The following CERS3 variants were observed in gnomAD, a reference collection of about 807,000 sequenced individuals.
CERS3 encodes LAG1 homolog, ceramide synthase 3.
A neutral mutation model predicts 50.3 loss-of-function variants in CERS3; 33 were observed. The observed-to-expected ratio is 0.66, with a 90% CI of 0.50 to 0.88. The LOEUF is 0.88. Among genes scored for constraint, CERS3 ranks in the 40% least tolerant of loss-of-function variants. CERS3 has a pLI of 0.00. For missense variants in CERS3, 470 were observed against 460.3 expected (o/e 1.02, Z -0.19); for synonymous variants, 176 against 155.2 (o/e 1.13, Z -0.99).
intron 1 of CERS3, among the ~76,000 whole-genome samples, chr15:100,539,545 T>C (rs1162523982): frequency 6.6e-6 from 1 of 152,162 alleles, no homozygotes; most frequent in Non-Finnish European, 1.5e-5. Context: ...AGAAAAGTGC[T>C]GAGTGAAGTG....
intron 11 of CERS3, among the ~76,000 whole-genome samples, chr15:100,448,550 A>G (rs1174440390): frequency 6.6e-6 from 1 of 152,174 alleles, no homozygotes; most frequent in Non-Finnish European, 1.5e-5. Flanking sequence ...CCATAGAAGG[A>G]GCTCATACGA....
chr15:100,412,322 T>A (rs182634522), intron 11 of CERS3, among the ~76,000 whole-genome samples: 4 of 152,272 alleles, frequency 2.6e-5, no homozygotes, highest in Non-Finnish European at 5.9e-5. Context: ...TCGAAAAGAC[T>A]CCCCATTGAA....
At chr15:100,515,071 C>T (rs2036452637) in intron 2 of CERS3, among the ~76,000 whole-genome samples, 1 of 152,186 alleles carries the variant, frequency 6.6e-6, no homozygotes, top group Non-Finnish European at 1.5e-5. Context: ...ACACACCTAG[C>T]TTCCCCTGTC....
intron 11 of CERS3, among the ~76,000 whole-genome samples, chr15:100,428,114 A>C (rs2032930781): frequency 6.6e-6 from 1 of 152,200 alleles, no homozygotes; most frequent in African/African-American, 2.4e-5. Context: ...CAACTGACAA[A>C]TTTGCTACAA....
At chr15:100,532,233 C>G (rs1213934360), upstream of CERS3, among the ~76,000 whole-genome samples, 2 of 152,100 alleles carry the variant, frequency 1.3e-5, no homozygotes, top group African/African-American at 4.8e-5. Context: ...TGCTTTCAGC[C>G]GATCCTTAAC....
chr15:100,513,805 G>A (rs1030763774), intron 2 of CERS3, among the ~76,000 whole-genome samples: 3 of 152,094 alleles, frequency 2.0e-5, no homozygotes, highest in Non-Finnish European at 2.9e-5. Flanking sequence ...CCAAAGTGCT[G>A]GAATTACTGT....
chr15:100,539,508 G>A (rs1048490743), intron 1 of CERS3, among the ~76,000 whole-genome samples: 11 of 152,300 alleles, frequency 7.2e-5, no homozygotes, highest in African/African-American at 2.2e-4. Flanking sequence ...GAGGAAGCAA[G>A]GCACTTTCTT....
chr15:100,446,364 G>T (rs1416196604), intron 11 of CERS3, among the ~76,000 whole-genome samples: 4 of 128,538 alleles, frequency 3.1e-5, no homozygotes, highest in African/African-American at 8.8e-5. Flanking sequence ...AACTTCTCAG[G>T]TTTTTTTTTT....
At chr15:100,471,852 T>C (rs546973128) in intron 9 of CERS3, among the ~76,000 whole-genome samples, 4 of 152,338 alleles carry the variant, frequency 2.6e-5, no homozygotes, top group Middle Eastern at 3.4e-3. Flanking sequence ...AAGTGACTTC[T>C]GGTGGCTTCT....
At chr15:100,405,209 TAAAG>T (rs2030899294) in intron 11 of CERS3, among the ~76,000 whole-genome samples, 3 of 109,248 alleles carry the variant, frequency 2.7e-5, no homozygotes, top group Non-Finnish European at 5.4e-5. Context: ...GTATGCATAA[TAAAG>T]AACTCTCAAA....
chr15:100,436,731 C>T lies in CERS3; in HGVS notation c.999+19162G>A, dbSNP rs77329128. ...TTTGCATAATCATAGTGATAGGACA[C>T]CAGCTATAGGGGATTCTAAAAGTAC... On this transcript the variant is annotated intron_variant, in intron 11 of 11. Coordinates refer to ENST00000679737, the MANE Select transcript of CERS3 (RefSeq NM_001378789.1). 7.4e-4 allele frequency among the ~76,000 whole-genome samples: 112 copies of T among 152,100 alleles called. 1 individual carries two copies. Among genetic ancestry groups the T allele is most frequent in the African/African-American group, 2.5e-3 (102 of 41,486 alleles).
At chr15:100,488,592 T>C (rs1007085006) in intron 4 of CERS3, among the ~76,000 whole-genome samples, 1 of 152,200 alleles carries the variant, frequency 6.6e-6, no homozygotes, top group Non-Finnish European at 1.5e-5. Flanking sequence ...CTGTATTACA[T>C]TCTATCTTCC....
chr15:100,492,317 T>C (rs2035677701), intron 3 of CERS3, among the ~76,000 whole-genome samples: 1 of 152,230 alleles, frequency 6.6e-6, no homozygotes, highest in South Asian at 2.1e-4. Context: ...TTTACAACTA[T>C]TATTGTTGAC....
At chr15:100,464,057 T>C (rs2034635344) in intron 10 of CERS3, among the ~76,000 whole-genome samples, 1 of 152,196 alleles carries the variant, frequency 6.6e-6, no homozygotes, top group African/African-American at 2.4e-5. Flanking sequence ...GTCGATAATA[T>C]TCCCTTTCAC....
Position 100,417,777 on chromosome 15 carries a change from A to AC in CERS3, c.1000-14913dup, listed in dbSNP as rs934843579. Reference sequence around the variant, plus strand: ...TCCTCAAGTAGGTCCCTGACCCCTGACCCCTGGGCAGCCTAACTGAGAGGC... The same window carrying AC: ...TCCTCAAGTAGGTCCCTGACCCCTGACCCCCTGGGCAGCCTAACTGAGAGGC... On this transcript the variant is annotated intron_variant, in intron 11 of 11. Transcript: ENST00000679737. Among the ~76,000 whole-genome samples the AC allele has an allele frequency of 4.0e-5, 6 of 151,716 alleles. 1 individual carries two copies. Among genetic ancestry groups the AC allele is most frequent in the African/African-American group, 4.9e-5 (2 of 41,012 alleles).
At chr15:100,521,956 G>T (rs946163161) in intron 1 of CERS3, among the ~76,000 whole-genome samples, 200 bp from the exon 2 acceptor site, 10 of 152,158 alleles carry the variant, frequency 6.6e-5, no homozygotes, top group Admixed American at 3.3e-4. Context: ...GAAAATTCAA[G>T]AATTTGCACA....
chr15:100,461,411 C>T (rs1847320), intron 10 of CERS3, among the ~76,000 whole-genome samples: 73,363 of 151,878 alleles, frequency 0.48, 18,213 homozygotes, highest in Non-Finnish European at 0.55. Context: ...GTGGAATTGG[C>T]GCTGGAGTCT....
At chr15:100,431,830 G>C (rs2033151321) in intron 11 of CERS3, among the ~76,000 whole-genome samples, 1 of 152,208 alleles carries the variant, frequency 6.6e-6, no homozygotes, top group Non-Finnish European at 1.5e-5. Flanking sequence ...AGCCACTCTA[G>C]TTAGCTGTAG....
rs536465994 is a variant in CERS3, at chr15:100,472,793, A to G, written c.738+131T>C. The G allele has an allele frequency of 7.8e-4, 787 of 1,007,990 alleles. 2 individuals carry two copies. Among genetic ancestry groups the G allele is most frequent in the Non-Finnish European group, 9.8e-4 (634 of 644,470 alleles). The allele number at this position is 1,007,990 out of a possible 1,614,324, so 62.4% of individuals were successfully genotyped here. On this transcript the variant is annotated intron_variant, in intron 9 of 11. Coordinates refer to ENST00000679737, the MANE Select transcript of CERS3 (RefSeq NM_001378789.1). ...GTAATCTTGGAGGATCTGGGAATCT[A>G]GAGATATTCTCAGAATTTGGGTGTT... is the stretch of plus-strand genomic sequence containing the variant.
Sources: gnomAD v4.1 joint callset for allele counts (sites outside exome capture counted in the v4.1 genomes callset) on GRCh38, gnomAD v4.1.1 for gene constraint, MANE v1.5 for transcripts, NCBI Gene and HGNC (gene_info 2026-07-23, HGNC 2026-07-21) for gene names.